The following TSPAN18 variants were observed in gnomAD, a reference collection of about 807,000 sequenced individuals.
The protein encoded by TSPAN18 is tetraspanin-18.
Under a neutral mutation model 27.3 loss-of-function variants are expected in TSPAN18, and 14 were observed. That is an observed-to-expected ratio of 0.51 (90% CI 0.34 to 0.80). The LOEUF (loss-of-function observed/expected upper bound fraction) is 0.80, where lower values mean the gene tolerates loss of function less well. Ranked by LOEUF, TSPAN18 falls within the 30% of genes least tolerant of loss-of-function variation. The pLI is 0.01. For synonymous variants in TSPAN18, 143 were observed against 136.5 expected (o/e 1.05, Z -0.33); for missense variants, 268 against 323.9 (o/e 0.83, Z 1.32).
intron 2 of TSPAN18, among the ~76,000 whole-genome samples, chr11:44,820,103 G>T (rs1590527563): frequency 2.0e-5 from 3 of 152,320 alleles, no homozygotes; most frequent in South Asian, 4.1e-4. Flanking sequence ...GCAAATGGAA[G>T]AATTCTATCT....
chr11:44,741,587 C>G (rs567204899), intron 1 of TSPAN18, among the ~76,000 whole-genome samples: 1 of 151,984 alleles, frequency 6.6e-6, no homozygotes, highest in Non-Finnish European at 1.5e-5. Flanking sequence ...GTGAGACATA[C>G]GGGATTAACA....
At chr11:44,837,376 C>T (rs1253482549) in intron 2 of TSPAN18, among the ~76,000 whole-genome samples, 7 of 152,164 alleles carry the variant, frequency 4.6e-5, no homozygotes, top group Non-Finnish European at 8.8e-5. Flanking sequence ...ACTGAATTGC[C>T]GCAATCTCAT....
intron 3 of TSPAN18, among the ~76,000 whole-genome samples, chr11:44,885,347 A>AT (rs149798352): frequency 0.019 from 2,809 of 151,478 alleles, 72 homozygotes; most frequent in African/African-American, 0.064. Context: ...TGTTACTATT[A>AT]TTTTTTTTTC....
chr11:44,835,752 G>C (rs1422771879), intron 2 of TSPAN18, among the ~76,000 whole-genome samples: 1 of 152,196 alleles, frequency 6.6e-6, no homozygotes, highest in Non-Finnish European at 1.5e-5. Flanking sequence ...ACTGTGCATA[G>C]AGCAAATCTA....
chr11:44,760,264 C>T (rs917810724), intron 1 of TSPAN18, among the ~76,000 whole-genome samples: 18 of 152,224 alleles, frequency 1.2e-4, no homozygotes, highest in African/African-American at 3.6e-4. Context: ...GAGGGCAGAG[C>T]GGGGAACAAA....
At chr11:44,801,865 C>T (rs1046111907) in intron 2 of TSPAN18, among the ~76,000 whole-genome samples, 1 of 152,000 alleles carries the variant, frequency 6.6e-6, no homozygotes, top group African/African-American at 2.4e-5. Context: ...GACCCTGTCT[C>T]TACAAAAATA....
intron 1 of TSPAN18, among the ~76,000 whole-genome samples, chr11:44,746,706 A>G (rs2134841010): frequency 6.6e-6 from 1 of 152,258 alleles, no homozygotes; most frequent in South Asian, 2.1e-4. Flanking sequence ...GCAGTGAGCT[A>G]TGATTGTACT....
intron 7 of TSPAN18, 21 bp downstream of exon 7, chr11:44,919,333 G>A: frequency 3.7e-6 from 6 of 1,601,844 alleles, no homozygotes; most frequent in Non-Finnish European, 5.1e-6. Flanking sequence ...CCCCAGAGAT[G>A]CTATGAACAT....
At chr11:44,885,977 G>A (rs1858638324) in intron 3 of TSPAN18, 1 of 152,350 alleles carries the variant, frequency 6.6e-6, no homozygotes, top group African/African-American at 2.4e-5. Flanking sequence ...CCTGGGACTG[G>A]GCTTGATTTC....
At chr11:44,819,350 A>G (rs1218118609) in intron 2 of TSPAN18, among the ~76,000 whole-genome samples, 2 of 152,212 alleles carry the variant, frequency 1.3e-5, no homozygotes, top group Non-Finnish European at 2.9e-5. Context: ...GATATTGGGG[A>G]CAGCAGAAAC....
At chr11:44,896,349 A>G (rs1014059015) in intron 3 of TSPAN18, among the ~76,000 whole-genome samples, 1 of 152,024 alleles carries the variant, frequency 6.6e-6, no homozygotes, top group Non-Finnish European at 1.5e-5. Context: ...GGACAAGTCA[A>G]TTCTCTCTCT....
chr11:44,872,810 G>T (rs941783730), intron 3 of TSPAN18, among the ~76,000 whole-genome samples: 1 of 152,232 alleles, frequency 6.6e-6, no homozygotes, highest in Non-Finnish European at 1.5e-5. Context: ...ATAGCACACA[G>T]TTAAATAATA....
At chr11:44,830,407 G>A (rs1857130326) in intron 2 of TSPAN18, among the ~76,000 whole-genome samples, 2 of 152,224 alleles carry the variant, frequency 1.3e-5, no homozygotes, top group African/African-American at 2.4e-5. Flanking sequence ...CCAGTGTCTT[G>A]CGTGGTACTT....
At chr11:44,741,562 C>T (rs983506410) in intron 1 of TSPAN18, among the ~76,000 whole-genome samples, 1 of 151,762 alleles carries the variant, frequency 6.6e-6, no homozygotes, top group Admixed American at 6.6e-5. Flanking sequence ...TGTGTGAGTT[C>T]GTGCGTGTCT....
At chr11:44,837,926 T>C (rs903121194) in intron 2 of TSPAN18, among the ~76,000 whole-genome samples, 5 of 152,242 alleles carry the variant, frequency 3.3e-5, no homozygotes, top group African/African-American at 1.2e-4. Context: ...ACAAAATTTG[T>C]GTGACTCATT....
At chr11:44,736,213 C>G (rs1376713472) in intron 1 of TSPAN18, 1 of 152,216 alleles carries the variant, frequency 6.6e-6, no homozygotes, top group Non-Finnish European at 1.5e-5. Context: ...AGGTGAATGT[C>G]TGTGTCAAAA....
At chr11:44,738,216 C>T (rs553494880) in intron 1 of TSPAN18, among the ~76,000 whole-genome samples, 3 of 152,170 alleles carry the variant, frequency 2.0e-5, no homozygotes, top group Non-Finnish European at 2.9e-5. Context: ...CTGGTGGTTA[C>T]TGGTAATCCT....
At chr11:44,762,917 T>C (rs549172699) in intron 1 of TSPAN18, among the ~76,000 whole-genome samples, 8 of 152,100 alleles carry the variant, frequency 5.3e-5, no homozygotes, top group Admixed American at 1.3e-4. Context: ...TCCCTCCCAC[T>C]GTGAGGCGAA....
chr11:44,775,280 T>G (rs1855779322), intron 2 of TSPAN18, among the ~76,000 whole-genome samples: 1 of 152,238 alleles, frequency 6.6e-6, no homozygotes, highest in African/African-American at 2.4e-5. Context: ...TATCTGAAAT[T>G]CACACTTCAC....
Sources: allele counts gnomAD v4.1 joint callset (sites outside exome capture counted in the v4.1 genomes callset), GRCh38; gene constraint gnomAD v4.1.1; transcripts MANE v1.5; gene names NCBI Gene and HGNC (gene_info 2026-07-23, HGNC 2026-07-21).